Variants in TRPM7 observed in about 807,000 individuals in gnomAD.
The protein encoded by TRPM7 is transient receptor potential cation channel subfamily M member 7, also known as LTRPC ion channel family member 7.
In TRPM7, 134 loss-of-function variants were observed where a neutral mutation model predicts 229.7. The observed-to-expected ratio is 0.58, with a 90% CI of 0.51 to 0.67. The LOEUF is 0.67. TRPM7 is among the 30% of genes least tolerant of loss of function. The pLI, the probability that TRPM7 is intolerant of heterozygous loss-of-function variation, is 0.00. For missense variants in TRPM7, 1,901 were observed against 2,210.0 expected, an observed-to-expected ratio of 0.86 and a Z score of 2.80; for synonymous variants, 699 against 715.2, an observed-to-expected ratio of 0.98 and a Z score of 0.36.
intron 24 of TRPM7, among the ~76,000 whole-genome samples, chr15:50,594,219 C>T (rs768923789): frequency 4.6e-5 from 7 of 152,248 alleles, no homozygotes; most frequent in Non-Finnish European, 8.8e-5. Context: ...GAAACAGAGA[C>T]GCCATTCTCA....
chr15:50,612,438 A>T (rs1454125719), intron 16 of TRPM7, 111 bp downstream of exon 16: 9 of 819,876 alleles, frequency 1.1e-5, no homozygotes, highest in Non-Finnish European at 1.6e-5. Flanking sequence ...TGTACCAATA[A>T]GATTATACAT....
intron 2 of TRPM7, among the ~76,000 whole-genome samples, chr15:50,659,070 C>T (rs529708693): frequency 3.9e-5 from 6 of 152,018 alleles, no homozygotes; most frequent in African/African-American, 9.6e-5. Flanking sequence ...TGGTGGCACA[C>T]GCCTGTAATT....
Position 50,674,109 on chromosome 15 carries a change from C to G in TRPM7, c.4-11063G>C, listed in dbSNP as rs549309803. 7.9e-4 allele frequency among the ~76,000 whole-genome samples: 121 copies of G among 152,316 alleles called. 1 individual carries two copies. Among genetic ancestry groups the G allele is most frequent in the African/African-American group, 2.8e-3 (118 of 41,584 alleles). On this transcript the variant is annotated intron_variant, in intron 1 of 38. Transcript: ENST00000646667. The stretch of plus-strand genomic sequence containing the variant: ...GTTCAAGCGATTCTCCTGTCTCAGC[C>G]TCTGGAGTAGCTGAGATAACAGGTA...
At chr15:50,572,480 T>C (rs975450238) in intron 36 of TRPM7, among the ~76,000 whole-genome samples, 10 of 152,356 alleles carry the variant, frequency 6.6e-5, no homozygotes, top group South Asian at 2.1e-4. Context: ...CTGTTCTTCA[T>C]ACACAATGCT....
At chr15:50,614,400 C>G (rs2060154414) in intron 13 of TRPM7, 137 bp from the exon 14 acceptor site, 3 of 770,574 alleles carry the variant, frequency 3.9e-6, no homozygotes, top group Admixed American at 3.3e-5. Flanking sequence ...TGCAGTGGCT[C>G]ACGCCTGTAA....
At chr15:50,638,245 G>C (rs1370847288) in intron 6 of TRPM7, among the ~76,000 whole-genome samples, 1 of 150,734 alleles carries the variant, frequency 6.6e-6, no homozygotes, top group East Asian at 1.9e-4. Context: ...TGTAGTCCCA[G>C]CTACTCGGGA....
intron 31 of TRPM7, among the ~76,000 whole-genome samples, chr15:50,578,013 ACACT>A (rs1406112255): frequency 1.3e-5 from 2 of 152,208 alleles, no homozygotes; most frequent in Admixed American, 1.3e-4. Context: ...ATACATGCAA[ACACT>A]CACACACGCA....
chr15:50,589,411 C>CGAAA (rs1266736462), intron 27 of TRPM7, among the ~76,000 whole-genome samples, 181 bp downstream of exon 27: 2 of 149,164 alleles, frequency 1.3e-5, no homozygotes, highest in East Asian at 2.0e-4. Context: ...TGTACCTTTT[C>CGAAA]ATGTTCCTCA....
intron 15 of TRPM7, among the ~76,000 whole-genome samples, 193 bp downstream of exon 15, chr15:50,613,501 CAAAAAAAAAAAAA>C (rs67505794): frequency 1.6e-5 from 1 of 62,810 alleles, no homozygotes; most frequent in African/African-American, 6.4e-5. Context: ...ACTCCTGTCT[CAAAAAAAAAAAAA>C]AAAAAAAAAA....
rs183064159 is a variant in TRPM7, at chr15:50,674,726, T to C, written c.4-11680A>G. Among the ~76,000 whole-genome samples, 29 of 152,304 alleles carry C rather than the reference T, an allele frequency of 1.9e-4. 1 individual carries two copies. The South Asian group carries it at 4.3e-3, about 23-fold the overall frequency. On this transcript the variant is annotated intron_variant, in intron 1 of 38. Transcript: ENST00000646667. ...AGCATTTCTTGTAACACAGGTCTAG[T>C]CTCTGAGCTTTTGTCTGGGAAAATC...
At chr15:50,659,956 C>T (rs2061685126) in intron 2 of TRPM7, among the ~76,000 whole-genome samples, 1 of 152,158 alleles carries the variant, frequency 6.6e-6, no homozygotes, top group African/African-American at 2.4e-5. Context: ...TGAGCCACCA[C>T]ACCCGACCAA....
chr15:50,569,931 G>A lies in TRPM7; in HGVS notation c.5423C>T (p.Ala1808Val). 1 of 1,612,242 alleles carries A rather than the reference G, an allele frequency of 6.2e-7. No individual in the cohort carries two copies. The highest frequency in any genetic ancestry group is 8.5e-7 in the Non-Finnish European group (1 of 1,179,158). Residue 1808 changes from alanine to valine, a missense_variant, in exon 38 of 39, where the codon GCA (alanine) becomes GTA (valine). Coordinates refer to ENST00000646667, the MANE Select transcript of TRPM7 (RefSeq NM_017672.6). ...ACAGCAAGAATTACAGTGATGTTTTGCTCTGAAGTTTTTAATTGCATCTTC... is the reference window on the plus strand; with the variant it reads ...ACAGCAAGAATTACAGTGATGTTTTACTCTGAAGTTTTTAATTGCATCTTC... ...LGEDAIKNFR[A>V]KHHCNSCCRK...
intron 1 of TRPM7, among the ~76,000 whole-genome samples, chr15:50,666,685 G>A (rs1243236623): frequency 2.0e-5 from 3 of 151,670 alleles, no homozygotes; most frequent in Non-Finnish European, 4.4e-5. Flanking sequence ...GCCTATAATC[G>A]CAGCTACTTG....
At chr15:50,646,342 C>A (rs948739343) in intron 4 of TRPM7, among the ~76,000 whole-genome samples, 2 of 152,238 alleles carry the variant, frequency 1.3e-5, no homozygotes, top group African/African-American at 4.8e-5. Flanking sequence ...ACTTTGGTGA[C>A]ATGGTCCAAG....
At chr15:50,578,391 G>C (rs1322223390) in intron 31 of TRPM7, among the ~76,000 whole-genome samples, 1 of 152,170 alleles carries the variant, frequency 6.6e-6, no homozygotes, top group Non-Finnish European at 1.5e-5. Context: ...AAAGGAGCAG[G>C]CTGTATAGCA....
chr15:50,646,173 C>T (rs879559828), intron 4 of TRPM7, among the ~76,000 whole-genome samples: 4 of 151,462 alleles, frequency 2.6e-5, no homozygotes, highest in African/African-American at 9.7e-5. Flanking sequence ...GGATCGGGAT[C>T]CAGGAGAAAA....
rs765175462 is a variant in TRPM7 at position 50,607,374 on chromosome 15, A to G, written c.2581-46T>C. 8 of 1,439,910 alleles carry G rather than the reference A, an allele frequency of 5.6e-6. No homozygotes were observed. In the Admixed American group the frequency reaches 1.9e-4, roughly 34 times the overall value. 89.2% of individuals were successfully genotyped at this position (1,439,910 alleles called of 1,614,324 possible). Reference sequence around the variant, plus strand: ...ACATAAATAACATTGGTTACAAAATAAATCTTTTAATTATGAACATTTTCA... The same window carrying G: ...ACATAAATAACATTGGTTACAAAATGAATCTTTTAATTATGAACATTTTCA... On this transcript the variant is annotated intron_variant, in intron 19 of 38. Transcript: ENST00000646667.
intron 13 of TRPM7, among the ~76,000 whole-genome samples, chr15:50,615,883 C>A (rs557110286): frequency 6.6e-6 from 1 of 151,992 alleles, no homozygotes; most frequent in Admixed American, 6.6e-5. Flanking sequence ...GCAACAAAGG[C>A]GAAACTCCGT....
At chr15:50,566,072 G>A (rs1446457281) in intron 38 of TRPM7, among the ~76,000 whole-genome samples, 3 of 151,974 alleles carry the variant, frequency 2.0e-5, no homozygotes, top group Middle Eastern at 3.4e-3. Flanking sequence ...TGATCCACCT[G>A]CCTCGGCCTC....
Sources: allele counts gnomAD v4.1 joint callset (sites outside exome capture counted in the v4.1 genomes callset), GRCh38; gene constraint gnomAD v4.1.1; transcripts MANE v1.5; gene names NCBI Gene and HGNC (gene_info 2026-07-23, HGNC 2026-07-21).